The following CCDC78 variants were observed in gnomAD, a reference collection of about 807,000 sequenced individuals.
CCDC78 encodes the protein coiled-coil domain containing 78, also known as coiled-coil domain-containing protein 78.
CCDC78 carries 78 observed loss-of-function variants against 61.9 expected under a neutral mutation model. That is an observed-to-expected ratio of 1.26 (90% CI 1.05 to 1.52). CCDC78 has a LOEUF of 1.52. Among genes scored for constraint, CCDC78 ranks in the 40% most tolerant of loss-of-function variants. CCDC78 has a pLI of 0.00. For missense variants in CCDC78, 737 were observed against 615.5 expected (o/e 1.20, Z -2.09); for synonymous variants, 287 against 251.9 (o/e 1.14, Z -1.32).
upstream of CCDC78, chr16:726,507 C>A: frequency 9.9e-7 from 1 of 1,013,884 alleles, no homozygotes; most frequent in Non-Finnish European, 1.4e-6. Flanking sequence ...GCACCGCCCA[C>A]AGGGGCCGGC....
At position 725,397 on chromosome 16, in the gene CCDC78, A is replaced by G. The variant is rs1168859362; in HGVS notation, c.435+16T>C. On this transcript the variant is annotated intron_variant, in intron 4 of 13. Transcript: ENST00000345165. ...CTGGCCTTTCCCAGCCAGGCTCTCC[A>G]TATGCTCATGGTAACCTGGAATCTG... 3 of 1,612,356 alleles carry G rather than the reference A, an allele frequency of 1.9e-6. No individual in the cohort carries two copies. Among genetic ancestry groups the G allele is most frequent in the South Asian group, 1.1e-5 (1 of 91,066 alleles).
Position 723,112 on chromosome 16 carries a change from A to C in CCDC78, c.1183T>G (p.Phe395Val). The change falls in exon 12 of 14, where the codon TTC becomes GTC. Residue 395 changes from phenylalanine (F) to valine (V), a missense_variant. Phe to Val is a conservative substitution (Grantham distance 50). Coordinates refer to ENST00000345165, the MANE Select transcript of CCDC78 (RefSeq NM_001378030.1). The stretch of plus-strand genomic sequence containing the variant: ...CCTCCTACCTGGGTGCTGCGGGAGA[A>C]GTCCCGGAGCTTCTGGTGGATCTGG... ...WAQIHQKLRD[F>V]SRSTQAELER... The C allele has an allele frequency of 6.2e-7, 1 of 1,612,718 alleles. No homozygotes were observed. Among genetic ancestry groups the C allele is most frequent in the South Asian group, 1.1e-5 (1 of 91,090 alleles).
chr16:724,559 A>T, intron 8 of CCDC78, 50 bp from the exon 9 acceptor site: 2 of 1,557,608 alleles, frequency 1.3e-6, no homozygotes, highest in South Asian at 2.3e-5. Flanking sequence ...CATCTTTTCC[A>T]ACCATCCCCC....
In CCDC78 at chr16:723,026, G is replaced by A; in HGVS notation, c.1201-4C>T. 1.9e-6 allele frequency: 3 copies of A among 1,612,548 alleles called. No individual in the cohort carries two copies. The East Asian group carries it at 6.7e-5, about 36-fold the overall frequency. On this transcript the variant is annotated splice_polypyrimidine_tract_variant and splice_region_variant and intron_variant, in intron 12 of 13. Coordinates refer to ENST00000345165, the MANE Select transcript of CCDC78 (RefSeq NM_001378030.1). ...CCCGCTCCCGTTCCAGCTCTGCCTG[G>A]CATGGGGATGTAAGCCATGAGCTGG... is the stretch of plus-strand genomic sequence containing the variant.
chr16:724,391 G>A lies in CCDC78; in HGVS notation c.884C>T (p.Ala295Val). The change falls in exon 9 of 14, where the codon GCT (alanine) becomes GTT (valine). Residue 295 changes from alanine to valine, a missense_variant. Ala to Val is a moderately conservative substitution (Grantham distance 64). Transcript: ENST00000345165. ...HRSREQQLAR[A>V]ARSYHKRLVD... is the part of the protein sequence containing the mutation. ...CAGCCTCTTGTGGTAGCTGCGGGCA[G>A]CCCGGGCCAGCTGCTGCTCACGGCT... The A allele has an allele frequency of 6.2e-7, 1 of 1,611,700 alleles. No individual in the cohort carries two copies. Among genetic ancestry groups the A allele is most frequent in the South Asian group, 1.1e-5 (1 of 91,064 alleles).
At position 724,453 on chromosome 16, in the gene CCDC78, C is replaced by G. The variant is rs776596806; in HGVS notation, c.822G>C (p.Leu274=). 1.2e-6 allele frequency: 2 copies of G among 1,603,890 alleles called. No homozygotes were observed. The highest frequency in any genetic ancestry group is 1.7e-6 in the Non-Finnish European group (2 of 1,179,780). ...CCCGGATGTCCTCCAGAGTCGCCTC[C>G]AGGAATGTCCGGAGGGCCGTGGTGG... ...APATTALRTF[L]EATLEDIRAA... Residue 274 remains leucine, a synonymous_variant, in exon 9 of 14, where the codon CTG becomes CTC. Coordinates refer to ENST00000345165, the MANE Select transcript of CCDC78 (RefSeq NM_001378030.1).
At chr16:723,686 C>T (rs933238635) in intron 11 of CCDC78, 171 bp downstream of exon 11, 9 of 710,016 alleles carry the variant, frequency 1.3e-5, no homozygotes, top group Non-Finnish European at 2.3e-5. Flanking sequence ...TTATCAGTGT[C>T]GCCGGGACCC....
chr16:726,031 A>T lies in CCDC78; in HGVS notation c.115T>A (p.Trp39Arg). ...LPGAPGGTAV[W>R]ATSLEAEVPP... ...ACCTCTGCTTCCAAGCTGGTGGCCC[A>T]CACTGCGGTGCCCCCAGGAGCTCCT... The change falls in exon 2 of 14, where the codon TGG (tryptophan) becomes AGG (arginine). Residue 39 changes from tryptophan (W) to arginine (R), a missense_variant. Physicochemically the swap from Trp to Arg is moderately radical, Grantham distance 101. Transcript: ENST00000345165. 1 of 1,548,942 alleles carries T rather than the reference A, an allele frequency of 6.5e-7. No individual in the cohort carries two copies. The highest frequency in any genetic ancestry group is 8.7e-7 in the Non-Finnish European group (1 of 1,146,886).
chr16:723,592 A>G (rs1567314147), intron 11 of CCDC78: 1 of 688,448 alleles, frequency 1.5e-6, no homozygotes, highest in Non-Finnish European at 2.7e-6. Context: ...GTCTCAGCGG[A>G]AACCTCCCTC....
chr16:723,230 G>A lies in CCDC78; in HGVS notation c.1134-69C>T, dbSNP rs751817086. 87 of 1,533,418 alleles carry A rather than the reference G, an allele frequency of 5.7e-5. No individual in the cohort carries two copies. In the East Asian group the frequency reaches 1.2e-3, roughly 22 times the overall value. The allele number at this position is 1,533,418 out of a possible 1,614,324, so 95.0% of individuals were successfully genotyped here. On this transcript the variant is annotated intron_variant, in intron 11 of 13. Coordinates refer to ENST00000345165, the MANE Select transcript of CCDC78 (RefSeq NM_001378030.1). ...TGGTGACACAGGGACAGACGTGACC[G>A]TGCTGAGTCAGGTTCCCAGAGCCGG... is the stretch of plus-strand genomic sequence containing the variant.
chr16:724,801 C>T lies in CCDC78; in HGVS notation c.645G>A (p.Leu215=). 1 of 1,612,110 alleles carries T rather than the reference C, an allele frequency of 6.2e-7. No homozygotes were observed. Among genetic ancestry groups the T allele is most frequent in the Non-Finnish European group, 8.5e-7 (1 of 1,179,786 alleles). ...GACGGAGCTGGCCTTGGCAGCTGCA[C>T]AGCACCTGGGGTGGAAGCAGCCCTC... ...GQRLATQAVV[L]CSCQGQLRQA... Residue 215 remains leucine, a synonymous_variant, in exon 8 of 14, where the codon CTG becomes CTA. Coordinates refer to ENST00000345165, the MANE Select transcript of CCDC78 (RefSeq NM_001378030.1).
At position 725,329 on chromosome 16, in the gene CCDC78, G is replaced by A. The variant is rs577988509; in HGVS notation, c.436-36C>T. ...GGGAGGGCAGGGAAAGCTAAGGGGTGGGTGAGCCCCAGTTTCACTGAGGCC... is the reference window on the plus strand; with the variant it reads ...GGGAGGGCAGGGAAAGCTAAGGGGTAGGTGAGCCCCAGTTTCACTGAGGCC... On this transcript the variant is annotated intron_variant, in intron 4 of 13. Coordinates refer to ENST00000345165, the MANE Select transcript of CCDC78 (RefSeq NM_001378030.1). The A allele has an allele frequency of 4.1e-5, 66 of 1,610,630 alleles. No individual in the cohort carries two copies. The South Asian group carries it at 6.8e-4, about 17-fold the overall frequency.
Position 724,141 on chromosome 16 carries a change from G to T in CCDC78, c.1018C>A (p.Pro340Thr). ...CGATGGCTGAAGTCAGTGACCAGGGGCACGGGCAATGGTTCCAGGTCCAAG... is the reference window on the plus strand; with the variant it reads ...CGATGGCTGAAGTCAGTGACCAGGGTCACGGGCAATGGTTCCAGGTCCAAG... ...ASLDLEPLPVPLVTDFSHRED... is the reference protein window; with the variant it reads ...ASLDLEPLPVTLVTDFSHRED... Residue 340 changes from proline (P) to threonine (T), a missense_variant, in exon 10 of 14, where the codon CCC (proline) becomes ACC (threonine). Coordinates refer to ENST00000345165, the MANE Select transcript of CCDC78 (RefSeq NM_001378030.1). The T allele has an allele frequency of 6.2e-7, 1 of 1,604,064 alleles. No individual in the cohort carries two copies. Among genetic ancestry groups the T allele is most frequent in the Non-Finnish European group, 8.5e-7 (1 of 1,175,550 alleles).
rs768251031 is a variant in CCDC78, at chr16:724,385, C to G, written c.890G>C (p.Arg297Pro). 1 of 1,611,724 alleles carries G rather than the reference C, an allele frequency of 6.2e-7. No individual in the cohort carries two copies. Among genetic ancestry groups the G allele is most frequent in the East Asian group, 2.2e-5 (1 of 44,880 alleles). ...SREQQLARAARSYHKRLVDLS... is the reference protein window; with the variant it reads ...SREQQLARAAPSYHKRLVDLS... ...ATCCACCAGCCTCTTGTGGTAGCTG[C>G]GGGCAGCCCGGGCCAGCTGCTGCTC... is the stretch of plus-strand genomic sequence containing the variant. Residue 297 changes from arginine (R) to proline (P), a missense_variant, in exon 9 of 14, where the codon CGC (arginine) becomes CCC (proline). By Grantham distance (103) the Arg-to-Pro change is moderately radical. Coordinates refer to ENST00000345165, the MANE Select transcript of CCDC78 (RefSeq NM_001378030.1).
rs1403494570 is a variant in CCDC78, at chr16:722,936, G to C, written c.1287C>G (p.Asp429Glu). 6.2e-7 allele frequency: 1 copy of C among 1,612,234 alleles called. No homozygotes were observed. Residue 429 changes from aspartate to glutamate, a missense_variant, in exon 13 of 14, where the codon GAC becomes GAG. Transcript: ENST00000345165. Reference sequence around the variant, plus strand: ...CCTCTGCCCACCTGCCCAGGTGCTGGTCCACGTACTCCTGTAGCTCAGAAA... The same window carrying C: ...CCTCTGCCCACCTGCCCAGGTGCTGCTCCACGTACTCCTGTAGCTCAGAAA... ...EQLSELQEYV[D>E]QHLGRYKHEI...
chr16:722,603 T>C lies in CCDC78; in HGVS notation c.*75A>G. 1 of 1,590,066 alleles carries C rather than the reference T, an allele frequency of 6.3e-7. No individual in the cohort carries two copies. On this transcript the variant is annotated 3_prime_UTR_variant, in exon 14 of 14. Transcript: ENST00000345165. The stretch of plus-strand genomic sequence containing the variant: ...TCTGTGGGTTCTATCCTGACTCATG[T>C]TTTATGGGGGGCTGGGTGGGAGGGT...
In CCDC78 at chr16:722,646, G is replaced by A. The variant is rs758827941; in HGVS notation, c.*32C>T. The A allele has an allele frequency of 1.9e-6, 3 of 1,592,016 alleles. No homozygotes were observed. Among genetic ancestry groups the A allele is most frequent in the African/African-American group, 1.4e-5 (1 of 72,222 alleles). ...GGGAGGGTTCTGTGCTGGCTGAGGA[G>A]CTCTGCTCTGCTCTGCTCCTTGGGA... On this transcript the variant is annotated 3_prime_UTR_variant, in exon 14 of 14. Coordinates refer to ENST00000345165, the MANE Select transcript of CCDC78 (RefSeq NM_001378030.1).
rs780197880 is a variant in CCDC78 at position 724,186 on chromosome 16, C to T, written c.973G>A (p.Ala325Thr). Reference sequence around the variant, plus strand: ...TCCAAGCTGGCTATGTCAAAAATAGCTTGGGGGTTCCCAGGTGCCCTGTCA... The same window carrying T: ...TCCAAGCTGGCTATGTCAAAAATAGTTTGGGGGTTCCCAGGTGCCCTGTCA... Reference protein sequence around the residue: ...VAYRAPGNPQAIFDIASLDLE... With the variant: ...VAYRAPGNPQTIFDIASLDLE... Residue 325 changes from alanine to threonine, a missense_variant, in exon 10 of 14, where the codon GCT becomes ACT. Ala to Thr is a moderately conservative substitution (Grantham distance 58). Coordinates refer to ENST00000345165, the MANE Select transcript of CCDC78 (RefSeq NM_001378030.1). 6.2e-7 allele frequency: 1 copy of T among 1,600,586 alleles called. No homozygotes were observed. The highest frequency in any genetic ancestry group is 2.2e-5 in the East Asian group (1 of 44,730).
At chr16:723,800 CGTT>C (rs2040518443) in intron 11 of CCDC78, 54 bp downstream of exon 11, 1 of 1,498,780 alleles carries the variant, frequency 6.7e-7, no homozygotes, top group Non-Finnish European at 9.1e-7. Flanking sequence ...AGGGTGCAGG[CGTT>C]GTGCTCTCTG....
Sources: gnomAD v4.1 joint callset for allele counts on GRCh38, gnomAD v4.1.1 for gene constraint, MANE v1.5 for transcripts, NCBI Gene and HGNC (gene_info 2026-07-23, HGNC 2026-07-21) for gene names.